Variants in TRIO observed in about 807,000 individuals in gnomAD.
TRIO encodes trio Rho guanine nucleotide exchange factor, also known as triple functional domain protein.
TRIO carries 58 observed loss-of-function variants against 351.9 expected under a neutral mutation model. The ratio of observed to expected loss-of-function variants is 0.16; its 90% CI spans 0.13 to 0.21. The LOEUF (loss-of-function observed/expected upper bound fraction) is 0.21. Ranked by LOEUF, TRIO falls within the 10% of genes least tolerant of loss-of-function variation. TRIO has a pLI of 1.00. For synonymous variants in TRIO, 1,758 were observed against 1,595.7 expected (o/e 1.10, Z -2.42); for missense variants, 3,201 against 4,027.8 (o/e 0.79, Z 5.56).
chr5:14,377,681 C>T (rs1745684338), intron 19 of TRIO, among the ~76,000 whole-genome samples: 1 of 151,868 alleles, frequency 6.6e-6, no homozygotes, highest in Non-Finnish European at 1.5e-5. Context: ...TTTTTTTCAG[C>T]CATTGTCGAA....
chr5:14,193,184 A>G (rs1790555462), intron 1 of TRIO, among the ~76,000 whole-genome samples: 1 of 152,254 alleles, frequency 6.6e-6, no homozygotes, highest in Non-Finnish European at 1.5e-5. Context: ...AAATATGTGT[A>G]GTAGAGTAAT....
chr5:14,370,815 G>A (rs754797795), intron 18 of TRIO, among the ~76,000 whole-genome samples: 1 of 152,138 alleles, frequency 6.6e-6, no homozygotes, highest in Non-Finnish European at 1.5e-5. Context: ...TTAGGATTTC[G>A]AGGTGGAATC....
chr5:14,307,588 G>A (rs774154), intron 8 of TRIO, among the ~76,000 whole-genome samples: 6,871 of 152,252 alleles, frequency 0.045, 188 homozygotes, highest in African/African-American at 0.053. Context: ...GACCTCTCCG[G>A]CTATGAGTAG....
chr5:14,486,255 A>G (rs955782796), intron 47 of TRIO, among the ~76,000 whole-genome samples: 1 of 152,184 alleles, frequency 6.6e-6, no homozygotes, highest in African/African-American at 2.4e-5. Flanking sequence ...GTCTGCATCT[A>G]TGCCTGCTCA....
At chr5:14,235,711 A>T (rs1793722563) in intron 1 of TRIO, among the ~76,000 whole-genome samples, 1 of 152,148 alleles carries the variant, frequency 6.6e-6, no homozygotes, top group African/African-American at 2.4e-5. Context: ...ACCCATTCGA[A>T]TCCACAAGCA....
chr5:14,387,518 A>G lies in TRIO; in HGVS notation c.3651A>G (p.Ile1217Met). ...CEKGHAHAAE[I>M]KKCVTAVDKR... Reference sequence around the variant, plus strand: ...AAGGGCATGCCCATGCGGCAGAGATAAAAAAATGTGTTACTGCTGTGGATA... The same window carrying G: ...AAGGGCATGCCCATGCGGCAGAGATGAAAAAATGTGTTACTGCTGTGGATA... The change falls in exon 22 of 57, where the codon ATA becomes ATG. Residue 1217 changes from isoleucine to methionine, a missense_variant. Around this residue, in one of 19 missense-constraint regions of TRIO, gnomAD observed 201 missense variants for 266.5 expected, o/e 0.75. Coordinates refer to ENST00000344204, the MANE Select transcript of TRIO (RefSeq NM_007118.4). 1 of 1,614,102 alleles carries G rather than the reference A, an allele frequency of 6.2e-7. No individual in the cohort carries two copies. Among genetic ancestry groups the G allele is most frequent in the Non-Finnish European group, 8.5e-7 (1 of 1,179,950 alleles).
chr5:14,339,307 T>C (rs1405440335), intron 11 of TRIO, among the ~76,000 whole-genome samples: 1 of 152,230 alleles, frequency 6.6e-6, no homozygotes, highest in Admixed American at 6.5e-5. Context: ...GCAGTGTTTT[T>C]AAGGAACAAT....
chr5:14,206,482 G>C (rs565726567), intron 1 of TRIO, among the ~76,000 whole-genome samples: 16 of 152,360 alleles, frequency 1.1e-4, no homozygotes, highest in South Asian at 2.1e-4. Flanking sequence ...CTTGTGGTCA[G>C]ATTCTCCGGA....
chr5:14,400,590 T>C (rs1000826191), intron 30 of TRIO, among the ~76,000 whole-genome samples: 22 of 152,222 alleles, frequency 1.4e-4, no homozygotes, highest in Non-Finnish European at 3.1e-4. Context: ...GAAGAGAACA[T>C]GGTGGCAGCC....
intron 1 of TRIO, among the ~76,000 whole-genome samples, chr5:14,260,727 A>G (rs933058975): frequency 1.3e-5 from 2 of 152,240 alleles, no homozygotes. Context: ...TGCAGTGGGC[A>G]TGGACCTAAA....
chr5:14,320,188 G>A (rs1481429310), intron 9 of TRIO, among the ~76,000 whole-genome samples: 1 of 152,208 alleles, frequency 6.6e-6, no homozygotes, highest in Non-Finnish European at 1.5e-5. Flanking sequence ...TTGGTTGAAT[G>A]AATGAATAAA....
At chr5:14,357,551 G>A (rs1011539468) in intron 11 of TRIO, among the ~76,000 whole-genome samples, 5 of 152,018 alleles carry the variant, frequency 3.3e-5, no homozygotes, top group Admixed American at 6.5e-5. Context: ...TGGCAGTGGA[G>A]GTGTCTGCAT....
At chr5:14,343,226 G>C (rs958131766) in intron 11 of TRIO, among the ~76,000 whole-genome samples, 40 of 152,102 alleles carry the variant, frequency 2.6e-4, no homozygotes, top group Admixed American at 2.6e-3. Flanking sequence ...AGCCCTCAAG[G>C]CTTATTCACT....
intron 23 of TRIO, 50 bp from the exon 24 acceptor site, chr5:14,388,563 G>GCT: frequency 3.2e-6 from 5 of 1,539,644 alleles, no homozygotes; most frequent in Non-Finnish European, 4.4e-6. Context: ...AGTAGATAGT[G>GCT]AAGTAAGCTG....
chr5:14,193,462 A>T (rs1432669982), intron 1 of TRIO, among the ~76,000 whole-genome samples: 2 of 152,182 alleles, frequency 1.3e-5, no homozygotes, highest in African/African-American at 4.8e-5. Context: ...GAAAACATAA[A>T]CATTAACCTG....
chr5:14,194,424 A>G lies in TRIO; in HGVS notation c.157+50542A>G, dbSNP rs572767084. Among the ~76,000 whole-genome samples the G allele has an allele frequency of 5.9e-5, 9 of 152,332 alleles. No individual in the cohort carries two copies. In the Middle Eastern group the frequency reaches 0.01, roughly 173 times the overall value. On this transcript the variant is annotated intron_variant, in intron 1 of 56. Coordinates refer to ENST00000344204, the MANE Select transcript of TRIO (RefSeq NM_007118.4). ...ATAATTGTTTTCTTTCTTTATTGTT[A>G]TACAGGTGCTCCATTAGGTGAAGAG...
Position 14,238,484 on chromosome 5 carries a change from C to T in TRIO, c.158-32341C>T, listed in dbSNP as rs1793923850. Among the ~76,000 whole-genome samples the T allele has an allele frequency of 1.3e-5, 2 of 152,292 alleles. 1 individual carries two copies. The highest frequency in any genetic ancestry group is 1.3e-4 in the Admixed American group (2 of 15,302). On this transcript the variant is annotated intron_variant, in intron 1 of 56. Transcript: ENST00000344204. Reference sequence around the variant, plus strand: ...GGCTCCACCAGCCCATGTGGGCCCTCCTGGGTCCCTGTGGGCCCCGTGCAC... The same window carrying T: ...GGCTCCACCAGCCCATGTGGGCCCTTCTGGGTCCCTGTGGGCCCCGTGCAC...
intron 1 of TRIO, among the ~76,000 whole-genome samples, chr5:14,252,457 A>G (rs946192271): frequency 3.3e-5 from 5 of 152,234 alleles, no homozygotes; most frequent in African/African-American, 1.2e-4. Flanking sequence ...TCAGAGTGGC[A>G]GGAATGCCCC....
chr5:14,161,686 G>C (rs1220679826), intron 1 of TRIO, among the ~76,000 whole-genome samples: 1 of 152,144 alleles, frequency 6.6e-6, no homozygotes, highest in Non-Finnish European at 1.5e-5. Context: ...CTGATTTAGT[G>C]GTTCTAGATT....
Sources: gnomAD v4.1 joint callset for allele counts (sites outside exome capture counted in the v4.1 genomes callset) on GRCh38, gnomAD v4.1.1 for gene constraint, gnomAD v4.1.1 regional missense constraint, MANE v1.5 for transcripts, NCBI Gene and HGNC (gene_info 2026-07-23, HGNC 2026-07-21) for gene names.